MAP2K5: variants seen among roughly 807,000 people sequenced by gnomAD.
The protein encoded by MAP2K5 is dual specificity mitogen-activated protein kinase kinase 5.
Under a neutral mutation model 83.1 loss-of-function variants are expected in MAP2K5, and 49 were observed. That is an observed-to-expected ratio of 0.59 (90% CI 0.47 to 0.75). MAP2K5 has a LOEUF of 0.75. Among genes scored for constraint, MAP2K5 ranks in the 30% least tolerant of loss-of-function variants. The probability of loss-of-function intolerance (pLI) is 0.00; values close to 1 mark genes in which losing one functional copy is unlikely to be tolerated. For missense variants in MAP2K5, 457 were observed against 557.5 expected (o/e 0.82, Z 1.82); for synonymous variants, 202 against 191.8 (o/e 1.05, Z -0.44).
rs1170889168 is a variant in MAP2K5 at position 67,783,154 on chromosome 15, C to T, written c.1242+10402C>T. On this transcript the variant is annotated intron_variant, in intron 21 of 21. Coordinates refer to ENST00000178640, the MANE Select transcript of MAP2K5 (RefSeq NM_145160.3). This position sits in a 1 kb window ranked among gnomAD's most constrained non-coding sequence, Gnocchi z 5.1. ...CCATTTTTATGTCTTAGCATCTGCT[C>T]TGTGCCCAGCATCCTGCCTGACACC... is the stretch of plus-strand genomic sequence containing the variant. Among the ~76,000 whole-genome samples the T allele has an allele frequency of 6.6e-6, 1 of 152,250 alleles. No homozygotes were observed. Among genetic ancestry groups the T allele is most frequent in the East Asian group, 1.9e-4 (1 of 5,204 alleles).
intron 1 of MAP2K5, among the ~76,000 whole-genome samples, chr15:67,545,548 G>C (rs1225983998): frequency 2.6e-5 from 4 of 152,198 alleles, no homozygotes; most frequent in Admixed American, 6.5e-5. Context: ...ATGTGAGATT[G>C]TGACTGTGAT....
intron 21 of MAP2K5, among the ~76,000 whole-genome samples, chr15:67,784,789 C>T (rs926330882): frequency 1.3e-5 from 2 of 152,206 alleles, no homozygotes; most frequent in Non-Finnish European, 2.9e-5. Context: ...CCACTTCTGC[C>T]ATCATGGGTA....
chr15:67,748,404 C>A lies in MAP2K5; in HGVS notation c.1101+147C>A. The A allele has an allele frequency of 1.2e-6, 1 of 827,694 alleles. No individual in the cohort carries two copies. Among genetic ancestry groups the A allele is most frequent in the Non-Finnish European group, 2.0e-6 (1 of 509,958 alleles). The allele number at this position is 827,694 out of a possible 1,614,324, so 51.3% of individuals were successfully genotyped here. ...TAACTGCCTGTATTAGATTAGGTAC[C>A]ATTAGAAATAATAGAACCTCCTGAG... On this transcript the variant is annotated intron_variant, in intron 18 of 21. Coordinates refer to ENST00000178640, the MANE Select transcript of MAP2K5 (RefSeq NM_145160.3). This position sits in a 1 kb window ranked among gnomAD's most constrained non-coding sequence, Gnocchi z 4.0.
In MAP2K5 at chr15:67,779,556, T is replaced by C. The variant is rs1490561871; in HGVS notation, c.1242+6804T>C. 6.6e-6 allele frequency among the ~76,000 whole-genome samples: 1 copy of C among 152,270 alleles called. No individual in the cohort carries two copies. Among genetic ancestry groups the C allele is most frequent in the Non-Finnish European group, 1.5e-5 (1 of 68,050 alleles). Reference sequence around the variant, plus strand: ...ATGCGCATAGCAAGAGAGATATAGATAAAGTCTGTCATTCCTTGATCATGG... The same window carrying C: ...ATGCGCATAGCAAGAGAGATATAGACAAAGTCTGTCATTCCTTGATCATGG... On this transcript the variant is annotated intron_variant, in intron 21 of 21. Transcript: ENST00000178640. The surrounding 1 kb of genome is among the most constrained non-coding windows in gnomAD (Gnocchi z 4.6).
chr15:67,628,015 G>A lies in MAP2K5; in HGVS notation c.546-2873G>A, dbSNP rs1237023245. 15 of 747,992 alleles carry A rather than the reference G, an allele frequency of 2.0e-5. 1 individual carries two copies. The Admixed American group carries it at 2.3e-4, about 12-fold the overall frequency. 46.3% of individuals were successfully genotyped at this position (747,992 alleles called of 1,614,324 possible). On this transcript the variant is annotated intron_variant, in intron 8 of 21. Coordinates refer to ENST00000178640, the MANE Select transcript of MAP2K5 (RefSeq NM_145160.3). ...GATCCAAGCACCAAGTGCTCCTGGGGCTTTGGGTTTGTCACATATGCCCCT... is the reference window on the plus strand; with the variant it reads ...GATCCAAGCACCAAGTGCTCCTGGGACTTTGGGTTTGTCACATATGCCCCT...
chr15:67,614,025 C>A (rs1463590852), intron 8 of MAP2K5, among the ~76,000 whole-genome samples: 1 of 152,132 alleles, frequency 6.6e-6, no homozygotes, highest in Non-Finnish European at 1.5e-5. Context: ...TCAACACTGA[C>A]CATATCCAGA....
intron 21 of MAP2K5, among the ~76,000 whole-genome samples, chr15:67,787,336 C>G: frequency 6.6e-6 from 1 of 152,240 alleles, no homozygotes; most frequent in East Asian, 1.9e-4. Flanking sequence ...TCTGCATCTT[C>G]TTTTCTGTGT....
chr15:67,610,874 T>C (rs899044630), intron 8 of MAP2K5, among the ~76,000 whole-genome samples: 1 of 152,230 alleles, frequency 6.6e-6, no homozygotes, highest in Non-Finnish European at 1.5e-5. Context: ...AAAATTTCCT[T>C]ACTTTTCCTT....
In MAP2K5 at chr15:67,755,352, A is replaced by C. The variant is rs1249457880; in HGVS notation, c.1134+6751A>C. ...TTTCTCCTCCCTTTCCCAGTCCTCC[A>C]TTTTCTCATCCCCCTTTGTTCAGTG... is the stretch of plus-strand genomic sequence containing the variant. On this transcript the variant is annotated intron_variant, in intron 19 of 21. Coordinates refer to ENST00000178640, the MANE Select transcript of MAP2K5 (RefSeq NM_145160.3). This position sits in a 1 kb window ranked among gnomAD's most constrained non-coding sequence, Gnocchi z 4.7. Among the ~76,000 whole-genome samples the C allele has an allele frequency of 6.6e-6, 1 of 151,758 alleles. No homozygotes were observed. Among genetic ancestry groups the C allele is most frequent in the Non-Finnish European group, 1.5e-5 (1 of 67,942 alleles).
At chr15:67,633,720 C>T (rs977948836) in intron 9 of MAP2K5, among the ~76,000 whole-genome samples, 4 of 152,176 alleles carry the variant, frequency 2.6e-5, no homozygotes, top group African/African-American at 9.7e-5. Flanking sequence ...TAGATACTCA[C>T]ACTGAATTGA....
rs2087695641 is a variant in MAP2K5 at position 67,676,847 on chromosome 15, G to T, written c.847+12202G>T. On this transcript the variant is annotated intron_variant, in intron 13 of 21. Coordinates refer to ENST00000178640, the MANE Select transcript of MAP2K5 (RefSeq NM_145160.3). This position sits in a 1 kb window ranked among gnomAD's most constrained non-coding sequence, Gnocchi z 4.8. ...AAGTGGTTGGTGGCCTAATGGAAAA[G>T]CTCTAGTATGAGGGTCAGACCCAGG... is the stretch of plus-strand genomic sequence containing the variant. Among the ~76,000 whole-genome samples the T allele has an allele frequency of 6.6e-6, 1 of 152,246 alleles. No individual in the cohort carries two copies. Among genetic ancestry groups the T allele is most frequent in the East Asian group, 1.9e-4 (1 of 5,178 alleles).
At chr15:67,761,803 G>C (rs2089954861) in intron 19 of MAP2K5, among the ~76,000 whole-genome samples, 1 of 151,990 alleles carries the variant, frequency 6.6e-6, no homozygotes, top group African/African-American at 2.4e-5. Flanking sequence ...AGATTTTTCT[G>C]TTTTGTTTTT....
At chr15:67,588,292 C>T (rs2085327822) in intron 6 of MAP2K5, among the ~76,000 whole-genome samples, 1 of 152,178 alleles carries the variant, frequency 6.6e-6, no homozygotes, top group Non-Finnish European at 1.5e-5. Flanking sequence ...CACATTTTCC[C>T]GTTTTCCTGT....
rs2084821936 is a variant in MAP2K5, at chr15:67,565,665, T to G, written c.252+2315T>G. Among the ~76,000 whole-genome samples the G allele has an allele frequency of 6.6e-6, 1 of 152,256 alleles. No homozygotes were observed. Among genetic ancestry groups the G allele is most frequent in the Admixed American group, 6.5e-5 (1 of 15,290 alleles). On this transcript the variant is annotated intron_variant, in intron 3 of 21. Coordinates refer to ENST00000178640, the MANE Select transcript of MAP2K5 (RefSeq NM_145160.3). This position sits in a 1 kb window ranked among gnomAD's most constrained non-coding sequence, Gnocchi z 4.1. ...TAATTATTTTTGTGTTGTAGGAAAA[T>G]ATGATTACATAATCTTACATTACAT...
At chr15:67,655,207 CTT>C (rs2087041579) in intron 11 of MAP2K5, among the ~76,000 whole-genome samples, 1 of 152,174 alleles carries the variant, frequency 6.6e-6, no homozygotes, top group Non-Finnish European at 1.5e-5. Flanking sequence ...GCCATTGTCT[CTT>C]AAGTCATAGA....
chr15:67,716,276 G>T (rs1355925360), intron 16 of MAP2K5, among the ~76,000 whole-genome samples: 1 of 152,134 alleles, frequency 6.6e-6, no homozygotes, highest in Non-Finnish European at 1.5e-5. Context: ...AGGAGTTTGA[G>T]GCTGCAGTAA....
chr15:67,754,596 C>T (rs1383464654), intron 19 of MAP2K5, among the ~76,000 whole-genome samples: 1 of 152,084 alleles, frequency 6.6e-6, no homozygotes, highest in East Asian at 1.9e-4. Flanking sequence ...GTAAACAGTG[C>T]TGTGCAAGGT....
rs997726357 is a variant in MAP2K5, at chr15:67,722,276, G to C, written c.1045-5640G>C. The stretch of plus-strand genomic sequence containing the variant: ...TTTCCTCACTCTGAGGCCTTTCAAG[G>C]CTTTGTTCTTAAGCCCCAGACACTT... On this transcript the variant is annotated intron_variant, in intron 16 of 21. Transcript: ENST00000178640. The surrounding 1 kb of genome is among the most constrained non-coding windows in gnomAD (Gnocchi z 4.2). Among the ~76,000 whole-genome samples the C allele has an allele frequency of 3.3e-5, 5 of 152,026 alleles. No individual in the cohort carries two copies. The highest frequency in any genetic ancestry group is 5.9e-5 in the Non-Finnish European group (4 of 68,020).
In MAP2K5 at chr15:67,769,646, A is replaced by T; in HGVS notation, c.1179A>T (p.Val393=). 1.9e-6 allele frequency: 3 copies of T among 1,613,762 alleles called. No individual in the cohort carries two copies. The highest frequency in any genetic ancestry group is 2.5e-6 in the Non-Finnish European group (3 of 1,179,758). The change falls in exon 20 of 22, where the codon GTA becomes GTT. Residue 393 remains valine (V), a synonymous_variant. Coordinates refer to ENST00000178640, the MANE Select transcript of MAP2K5 (RefSeq NM_145160.3). This position sits in a 1 kb window ranked among gnomAD's most constrained non-coding sequence, Gnocchi z 5.2. The part of the protein sequence containing the change: ...LPVGEFSEPF[V]HFITQCMRKQ... Reference sequence around the variant, plus strand: ...TTGGAGAGTTCTCGGAGCCATTTGTACATTTCATCACTCAGTGGTGAGCCC... The same window carrying T: ...TTGGAGAGTTCTCGGAGCCATTTGTTCATTTCATCACTCAGTGGTGAGCCC...
Sources: allele counts gnomAD v4.1 joint callset (sites outside exome capture counted in the v4.1 genomes callset), GRCh38; gene constraint gnomAD v4.1.1; non-coding constraint Gnocchi (gnomAD v3.1); transcripts MANE v1.5; gene names NCBI Gene and HGNC (gene_info 2026-07-23, HGNC 2026-07-21).